RPS20: variants seen among roughly 807,000 people sequenced by gnomAD.
RPS20 encodes ribosomal protein S20, also known as small ribosomal subunit protein uS10.
RPS20 carries 3 observed loss-of-function variants against 15.3 expected under a neutral mutation model. The ratio of observed to expected loss-of-function variants is 0.20; its 90% confidence interval spans 0.09 to 0.51. The LOEUF (loss-of-function observed/expected upper bound fraction) is 0.51, where lower values mean the gene tolerates loss of function less well. Ranked by LOEUF, RPS20 falls within the 20% of genes least tolerant of loss-of-function variation. The pLI is 0.96. For synonymous variants in RPS20, 62 were observed against 47.8 expected, an observed-to-expected ratio of 1.30 and a Z score of -1.23; for missense variants, 67 against 145.9, an observed-to-expected ratio of 0.46 and a Z score of 2.79.
In RPS20 at chr8:56,074,483, T is replaced by TA. The variant is rs1809878703; in HGVS notation, c.-101dup. Reference sequence around the variant, plus strand: ...GTGCGGACCAAAAATCCTCAGCCCTTACGACCGCGTCTTCCTCAAAAAGAA... The same window carrying TA: ...GTGCGGACCAAAAATCCTCAGCCCTTAACGACCGCGTCTTCCTCAAAAAGAA... On this transcript the variant is annotated 5_prime_UTR_variant, in exon 1 of 4. Transcript: ENST00000009589. The TA allele has an allele frequency of 3.0e-6, 4 of 1,313,674 alleles. No homozygotes were observed. Among genetic ancestry groups the TA allele is most frequent in the African/African-American group, 3.0e-5 (2 of 67,746 alleles). 81.4% of individuals were successfully genotyped at this position (1,313,674 alleles called of 1,614,324 possible). A position where few individuals can be genotyped will look rare whatever the true frequency, so the allele number is the denominator to read the frequency against.
intron 1 of RPS20, 95 bp downstream of exon 1, chr8:56,074,286 C>T: frequency 6.5e-7 from 1 of 1,537,942 alleles, no homozygotes; most frequent in Non-Finnish European, 8.8e-7. Context: ...CCCTACACGC[C>T]CCGGCATCTG....
chr8:56,070,961 A>G (rs1181513843), downstream of RPS20, among the ~76,000 whole-genome samples: 2 of 152,192 alleles, frequency 1.3e-5, no homozygotes, highest in East Asian at 3.9e-4. Context: ...CCACTATTTA[A>G]TCTATCCTGA....
chr8:56,073,725 T>C lies in RPS20; in HGVS notation c.147A>G (p.Lys49=). 6.2e-7 allele frequency: 1 copy of C among 1,614,160 alleles called. No individual in the cohort carries two copies. Among genetic ancestry groups the C allele is most frequent in the Non-Finnish European group, 8.5e-7 (1 of 1,179,976 alleles). ...TAGGCATTCGAACTGGTCCTTTCACTTTGAGATTCTTTTCTTTTGCGCCTC... is the reference window on the plus strand; with the variant it reads ...TAGGCATTCGAACTGGTCCTTTCACCTTGAGATTCTTTTCTTTTGCGCCTC... The part of the protein sequence containing the change: ...LIRGAKEKNL[K]VKGPVRMPTK... Residue 49 remains lysine (K), a synonymous_variant, in exon 3 of 4, where the codon AAA becomes AAG. Transcript: ENST00000009589.
intron 3 of RPS20, chr8:56,073,484 C>T (rs1044008867): frequency 1.6e-6 from 1 of 636,174 alleles, no homozygotes; most frequent in South Asian, 1.9e-5. Flanking sequence ...CTGTTAAGCA[C>T]CAAAGCACAC....
chr8:56,074,083 C>A lies in RPS20; in HGVS notation c.80G>T (p.Arg27Leu), dbSNP rs1478388986. The part of the protein sequence containing the change: ...IHRIRITLTS[R>L]NVKSLEKVCA... ...ACCCTTTTCCAAGGATTTTACGTTG[C>A]GGCTTGTTAGGGTGATTCGAATTCG... The change falls in exon 2 of 4, where the codon CGC becomes CTC. Residue 27 changes from arginine to leucine, a missense_variant. Physicochemically the swap from Arg to Leu is moderately radical, Grantham distance 102. Coordinates refer to ENST00000009589, the MANE Select transcript of RPS20 (RefSeq NM_001023.4). 6.2e-6 allele frequency: 10 copies of A among 1,613,640 alleles called. No homozygotes were observed. The highest frequency in any genetic ancestry group is 1.7e-6 in the Non-Finnish European group (2 of 1,179,884).
At chr8:56,072,151 T>G (rs1036924694), downstream of RPS20, among the ~76,000 whole-genome samples, 2 of 151,892 alleles carry the variant, frequency 1.3e-5, no homozygotes, top group Non-Finnish European at 2.9e-5. Flanking sequence ...TGAGGTGGAT[T>G]GCATGAGCCC....
At chr8:56,070,671 G>C (rs528632845), downstream of RPS20, among the ~76,000 whole-genome samples, 1 of 151,282 alleles carries the variant, frequency 6.6e-6, no homozygotes, top group East Asian at 1.9e-4. Context: ...GAAGGCTGCA[G>C]CGAGCCATGT....
At chr8:56,068,225 A>C (rs1301441700), downstream of RPS20, 1 of 152,258 alleles carries the variant, frequency 6.6e-6, no homozygotes, top group Non-Finnish European at 1.5e-5. Context: ...AACATTATCA[A>C]AATGAAAAAT....
chr8:56,073,557 C>T, intron 3 of RPS20, 138 bp downstream of exon 3: 1 of 747,732 alleles, frequency 1.3e-6, no homozygotes, highest in South Asian at 1.5e-5. Flanking sequence ...CTAGGAACCG[C>T]AATCTACCAC....
At chr8:56,074,355 C>T in intron 1 of RPS20, 26 bp downstream of exon 1, 1 of 1,550,164 alleles carries the variant, frequency 6.5e-7, no homozygotes, top group South Asian at 1.2e-5. Flanking sequence ...CTGCGTTGCG[C>T]CGCCCGCCGC....
rs79460063 is a variant in RPS20 at position 56,074,324 on chromosome 8, G to C, written c.3+57C>G. On this transcript the variant is annotated intron_variant, in intron 1 of 3. Coordinates refer to ENST00000009589, the MANE Select transcript of RPS20 (RefSeq NM_001023.4). ...CTCAGGAGCACGAACTCGAAACCGG[G>C]GTCCCCCCGGCGCCCGAGCCCTGCG... 76,197 of 1,546,456 alleles carry C rather than the reference G, an allele frequency of 0.049. 3,441 individuals are homozygous for C. Among genetic ancestry groups the C allele is most frequent in the African/African-American group, 0.24 (17,505 of 73,200 alleles).
chr8:56,073,048 C>G, downstream of RPS20: 1 of 1,579,242 alleles, frequency 6.3e-7, no homozygotes, highest in Non-Finnish European at 8.5e-7. Context: ...TAAAAACCAA[C>G]AGAAGTTAAC....
At chr8:56,068,110 G>C (rs1390567248), downstream of RPS20, 1 of 152,130 alleles carries the variant, frequency 6.6e-6, no homozygotes, top group Non-Finnish European at 1.5e-5. Flanking sequence ...AATAAAACTG[G>C]TATTAGTTGA....
downstream of RPS20, among the ~76,000 whole-genome samples, chr8:56,071,234 C>T (rs1364908841): frequency 6.6e-6 from 1 of 152,140 alleles, no homozygotes; most frequent in Non-Finnish European, 1.5e-5. Context: ...AGTATATGTT[C>T]TCTGGACTTT....
chr8:56,073,345 ACTTC>A, intron 3 of RPS20, 73 bp from the exon 4 acceptor site: 1 of 941,032 alleles, frequency 1.1e-6, no homozygotes, highest in Non-Finnish European at 1.7e-6. Context: ...GAAAATCATT[ACTTC>A]TAATCATTTC....
intron 2 of RPS20, 77 bp from the exon 3 acceptor site, chr8:56,073,845 G>T: frequency 7.4e-7 from 1 of 1,345,216 alleles, no homozygotes; most frequent in Non-Finnish European, 1.1e-6. Context: ...TGCTGGCTCA[G>T]AATAGCGTAT....
chr8:56,073,279 C>A lies in RPS20; in HGVS notation c.178-7G>T, dbSNP rs1468759548. ...TTGTAGTGATTCTCAAAGTCTGTAA[C>A]AAAAGACAAAGGAAACCAAGTGTTT... On this transcript the variant is annotated splice_polypyrimidine_tract_variant and splice_region_variant and intron_variant, in intron 3 of 3. Coordinates refer to ENST00000009589, the MANE Select transcript of RPS20 (RefSeq NM_001023.4). 10 of 1,572,622 alleles carry A rather than the reference C, an allele frequency of 6.4e-6. No individual in the cohort carries two copies. In the African/African-American group the frequency reaches 1.2e-4, roughly 19 times the overall value.
At chr8:56,073,429 A>C (rs1809825850) in intron 3 of RPS20, 157 bp from the exon 4 acceptor site, 3 of 662,692 alleles carry the variant, frequency 4.5e-6, no homozygotes, top group South Asian at 1.9e-5. Flanking sequence ...TGAAAATGCC[A>C]GGTCTGTTTT....
chr8:56,074,160 C>G lies in RPS20; in HGVS notation c.4-1G>C, dbSNP rs1332648105. On this transcript the variant is annotated splice_acceptor_variant, in intron 1 of 3. Coordinates refer to ENST00000009589, the MANE Select transcript of RPS20 (RefSeq NM_001023.4). LOFTEE classifies it high-confidence loss of function. ...GTGTTTTTCCGGTATCCTTAAAAGC[C>G]TATTATTAGATACATGAAAAAGAAC... 6.2e-7 allele frequency: 1 copy of G among 1,609,730 alleles called. No individual in the cohort carries two copies. Among genetic ancestry groups the G allele is most frequent in the South Asian group, 1.1e-5 (1 of 91,062 alleles).
Sources: allele counts gnomAD v4.1 joint callset (sites outside exome capture counted in the v4.1 genomes callset), GRCh38; gene constraint gnomAD v4.1.1; transcripts MANE v1.5; gene names NCBI Gene and HGNC (gene_info 2026-07-23, HGNC 2026-07-21).